Variants in COG7 observed in about 807,000 individuals in gnomAD.
The protein encoded by COG7 is conserved oligomeric Golgi complex subunit 7.
COG7 carries 49 observed loss-of-function variants against 91.5 expected under a neutral mutation model. The ratio of observed to expected loss-of-function variants is 0.54; its 90% CI spans 0.43 to 0.68. The LOEUF (loss-of-function observed/expected upper bound fraction) is 0.68, where lower values mean the gene tolerates loss of function less well. Ranked by LOEUF, COG7 falls within the 30% of genes least tolerant of loss-of-function variation. The pLI, the probability that COG7 is intolerant of heterozygous loss-of-function variation, is 0.00. For missense variants in COG7, 895 were observed against 961.3 expected, an observed-to-expected ratio of 0.93 and a Z score of 0.91; for synonymous variants, 365 against 388.7, an observed-to-expected ratio of 0.94 and a Z score of 0.72.
rs369636043 is a variant in COG7, at chr16:23,442,557, A to G, written c.524T>C (p.Val175Ala). The G allele has an allele frequency of 3.7e-6, 6 of 1,614,042 alleles. No homozygotes were observed. The African/African-American group carries it at 8.0e-5, about 22-fold the overall frequency. Residue 175 changes from valine to alanine, a missense_variant, in exon 4 of 17, where the codon GTG (valine) becomes GCG (alanine). Transcript: ENST00000307149. ...VDTPDYSEKC[V>A]HLEALKNRLE... ...CCTGTTCTTCAGTGCCTCCAAGTGC[A>G]CACACTTTTCTGAGTAGTCTGGTGT...
In COG7 at chr16:23,434,761, G is replaced by A. The variant is rs373273484; in HGVS notation, c.605-43C>T. 28 of 1,429,116 alleles carry A rather than the reference G, an allele frequency of 2.0e-5. No homozygotes were observed. The African/African-American group carries it at 3.5e-4, about 18-fold the overall frequency. The allele number at this position is 1,429,116 out of a possible 1,614,324, so 88.5% of individuals were successfully genotyped here. On this transcript the variant is annotated intron_variant, in intron 4 of 16. Transcript: ENST00000307149. ...TATATATACTGTTACCAGCCTTTCT[G>A]GTGTAGACATGAGAAAAAACTCACC...
intron 7 of COG7, among the ~76,000 whole-genome samples, chr16:23,420,351 A>C (rs532999834): frequency 6.6e-6 from 1 of 152,318 alleles, no homozygotes; most frequent in South Asian, 2.1e-4. Context: ...CTTTGGACAC[A>C]GTCTCAACAG....
At chr16:23,415,538 A>AGTCACCGT (rs1963638631) in intron 9 of COG7, 1 of 152,100 alleles carries the variant, frequency 6.6e-6, no homozygotes, top group South Asian at 2.1e-4. Context: ...ACCATGTCAG[A>AGTCACCGT]GTCACCGTGT....
intron 1 of COG7, among the ~76,000 whole-genome samples, chr16:23,449,512 G>C (rs912369512): frequency 2.4e-4 from 37 of 151,682 alleles, no homozygotes; most frequent in Middle Eastern, 3.4e-3. Flanking sequence ...GGGAGGCCGA[G>C]GCAGGCAGAT....
Position 23,388,822 on chromosome 16 carries a change from C to A in COG7, c.*98G>T. Reference sequence around the variant, plus strand: ...GCTGAACCAAGTCTTTTTAAAGTAACTTCTGCCCAATCTTGGGCAGAGTTT... The same window carrying A: ...GCTGAACCAAGTCTTTTTAAAGTAAATTCTGCCCAATCTTGGGCAGAGTTT... On this transcript the variant is annotated 3_prime_UTR_variant, in exon 17 of 17. Coordinates refer to ENST00000307149, the MANE Select transcript of COG7 (RefSeq NM_153603.4). 1.3e-6 allele frequency: 2 copies of A among 1,591,356 alleles called. No individual in the cohort carries two copies. The highest frequency in any genetic ancestry group is 8.5e-7 in the Non-Finnish European group (1 of 1,170,122).
rs1964290529 is a variant in COG7, at chr16:23,452,939, G to T, written c.56C>A (p.Ala19Glu). 1 of 1,614,086 alleles carries T rather than the reference G, an allele frequency of 6.2e-7. No individual in the cohort carries two copies. ...DDFDVKEWINAAFRAGSKEAA... is the reference protein window; with the variant it reads ...DDFDVKEWINEAFRAGSKEAA... Reference sequence around the variant, plus strand: ...CTCCTTGGAGCCGGCCCTGAAGGCCGCATTGATCCACTCCTTCACGTCGAA... The same window carrying T: ...CTCCTTGGAGCCGGCCCTGAAGGCCTCATTGATCCACTCCTTCACGTCGAA... Residue 19 changes from alanine (A) to glutamate (E), a missense_variant, in exon 1 of 17, where the codon GCG (alanine) becomes GAG (glutamate). Ala to Glu is a moderately radical substitution (Grantham distance 107). Transcript: ENST00000307149.
chr16:23,428,898 G>A (rs998030633), intron 6 of COG7, among the ~76,000 whole-genome samples: 8 of 151,928 alleles, frequency 5.3e-5, no homozygotes, highest in African/African-American at 7.3e-5. Flanking sequence ...TCACCATGTT[G>A]GCCAGGCTGC....
At chr16:23,429,427 T>G (rs1398173312) in intron 6 of COG7, among the ~76,000 whole-genome samples, 3 of 152,076 alleles carry the variant, frequency 2.0e-5, no homozygotes, top group East Asian at 1.9e-4. Flanking sequence ...CCTTTATTCA[T>G]AATTGCCCAA....
At chr16:23,444,825 G>T (rs564504192) in intron 3 of COG7, among the ~76,000 whole-genome samples, 1 of 152,036 alleles carries the variant, frequency 6.6e-6, no homozygotes, top group East Asian at 1.9e-4. Flanking sequence ...CTTTATCAAG[G>T]CTTCTCTTGA....
intron 9 of COG7, 28 bp from the exon 10 acceptor site, chr16:23,413,592 G>C (rs767380136): frequency 8.3e-7 from 1 of 1,205,214 alleles, no homozygotes; most frequent in Non-Finnish European, 1.2e-6. Context: ...AAAATGGTAG[G>C]GAGGTCACCA....
chr16:23,426,142 G>C (rs999045957), intron 6 of COG7, among the ~76,000 whole-genome samples: 3 of 152,178 alleles, frequency 2.0e-5, no homozygotes, highest in East Asian at 3.8e-4. Flanking sequence ...CTTGAACCTG[G>C]TAGGCAGAGA....
intron 13 of COG7, among the ~76,000 whole-genome samples, chr16:23,401,228 A>G (rs1041051374): frequency 6.6e-6 from 1 of 152,218 alleles, no homozygotes; most frequent in Non-Finnish European, 1.5e-5. Context: ...TTTGATGACC[A>G]GGGTTTAATT....
At chr16:23,424,202 C>G (rs1567339781) in intron 7 of COG7, among the ~76,000 whole-genome samples, 1 of 147,724 alleles carries the variant, frequency 6.8e-6, no homozygotes, top group Middle Eastern at 3.6e-3. Flanking sequence ...GAGGCTGAGG[C>G]AGGAGAATTG....
chr16:23,414,897 C>G (rs998204315), intron 9 of COG7: 2 of 152,244 alleles, frequency 1.3e-5, no homozygotes, highest in East Asian at 3.9e-4. Flanking sequence ...GAGGCCTTGC[C>G]GCTTGCCCCT....
rs778887786 is a variant in COG7, at chr16:23,434,636, C to G, written c.687G>C (p.Lys229Asn). The change falls in exon 5 of 17, where the codon AAG (lysine) becomes AAC (asparagine). Residue 229 changes from lysine to asparagine, a missense_variant and splice_region_variant. Physicochemically the swap from Lys to Asn is moderately conservative, Grantham distance 94 (BLOSUM62 0). Transcript: ENST00000307149. ...QLLAYYYKCH[K>N]VQLLAAWQEL... Reference sequence around the variant, plus strand: ...ACTGTCATCGCGCACAGCTTCTTACCTTGTGACACTTGTAGTAGTAGGCCA... The same window carrying G: ...ACTGTCATCGCGCACAGCTTCTTACGTTGTGACACTTGTAGTAGTAGGCCA... The G allele has an allele frequency of 6.2e-7, 1 of 1,610,624 alleles. No individual in the cohort carries two copies. The highest frequency in any genetic ancestry group is 1.1e-5 in the South Asian group (1 of 91,006).
intron 12 of COG7, among the ~76,000 whole-genome samples, chr16:23,404,398 A>T (rs1168358173): frequency 3.3e-5 from 5 of 152,382 alleles, no homozygotes; most frequent in African/African-American, 9.6e-5. Context: ...AACAGACATA[A>T]ATCAGATTAG....
intron 8 of COG7, 163 bp from the exon 9 acceptor site, chr16:23,417,284 AG>A (rs1427833191): frequency 2.8e-6 from 2 of 725,426 alleles, no homozygotes; most frequent in Non-Finnish European, 4.8e-6. Flanking sequence ...GAATCAAGGG[AG>A]AACAGTCTAA....
At chr16:23,432,636 G>T (rs980711523) in intron 6 of COG7, among the ~76,000 whole-genome samples, 2 of 152,148 alleles carry the variant, frequency 1.3e-5, no homozygotes, top group African/African-American at 4.8e-5. Flanking sequence ...CTGTCTCAAG[G>T]CAAGAGAACA....
chr16:23,388,619 C>T lies in COG7; in HGVS notation c.*301G>A, dbSNP rs1428032221. The T allele has an allele frequency of 1.3e-5, 3 of 236,952 alleles. No homozygotes were observed. The highest frequency in any genetic ancestry group is 1.0e-4 in the East Asian group (1 of 9,576). 14.7% of individuals were successfully genotyped at this position (236,952 alleles called of 1,614,324 possible). ...ACTCTTTTTGATTATACAAATGAACCAAGTCTTTTTTTTTTTTTTTTTTGA... is the reference window on the plus strand; with the variant it reads ...ACTCTTTTTGATTATACAAATGAACTAAGTCTTTTTTTTTTTTTTTTTTGA... On this transcript the variant is annotated 3_prime_UTR_variant, in exon 17 of 17. Transcript: ENST00000307149.
Sources: allele counts gnomAD v4.1 joint callset (sites outside exome capture counted in the v4.1 genomes callset), GRCh38; gene constraint gnomAD v4.1.1; transcripts MANE v1.5; gene names NCBI Gene and HGNC (gene_info 2026-07-23, HGNC 2026-07-21).